PTPRG: variants seen among roughly 807,000 people sequenced by gnomAD.
PTPRG encodes receptor-type tyrosine-protein phosphatase gamma.
In PTPRG, 102 loss-of-function variants were observed where a neutral mutation model predicts 165.3. The observed-to-expected ratio is 0.62, with a 90% CI of 0.53 to 0.73. The LOEUF (loss-of-function observed/expected upper bound fraction) is 0.73. Ranked by LOEUF, PTPRG falls within the 30% of genes least tolerant of loss-of-function variation. PTPRG has a pLI of 0.00. For synonymous variants in PTPRG, 675 were observed against 669.5 expected (o/e 1.01, Z -0.13); for missense variants, 1,866 against 1,861.4 (o/e 1.00, Z -0.05).
intron 4 of PTPRG, among the ~76,000 whole-genome samples, chr3:62,031,430 G>A (rs934299339): frequency 2.6e-5 from 4 of 152,136 alleles, no homozygotes; most frequent in Non-Finnish European, 5.9e-5. Flanking sequence ...CAGAAGTCTC[G>A]GATGGCTATG....
At chr3:61,572,583 A>G (rs868606121) in intron 1 of PTPRG, among the ~76,000 whole-genome samples, 2 of 152,236 alleles carry the variant, frequency 1.3e-5, no homozygotes, top group African/African-American at 2.4e-5. Flanking sequence ...CATTCATGCC[A>G]TCAACAAGTT....
At chr3:62,263,019 C>G (rs1309056139) in intron 17 of PTPRG, 125 bp downstream of exon 17, 1 of 694,906 alleles carries the variant, frequency 1.4e-6, no homozygotes, top group Non-Finnish European at 2.5e-6. Context: ...AAGCTAACCT[C>G]TCATTAGCCC....
intron 4 of PTPRG, among the ~76,000 whole-genome samples, chr3:62,044,915 A>T (rs1279845160): frequency 1.3e-5 from 2 of 152,110 alleles, no homozygotes; most frequent in African/African-American, 4.8e-5. Context: ...AGCATTCCTT[A>T]CCCATCCTTT....
At chr3:62,197,267 G>A (rs2106823584) in intron 10 of PTPRG, among the ~76,000 whole-genome samples, 1 of 152,026 alleles carries the variant, frequency 6.6e-6, no homozygotes, top group East Asian at 1.9e-4. Context: ...GCTAGTTACT[G>A]GCACTATGTA....
chr3:62,212,205 TCA>T (rs1700374986), intron 12 of PTPRG, among the ~76,000 whole-genome samples: 1 of 152,098 alleles, frequency 6.6e-6, no homozygotes, highest in African/African-American at 2.4e-5. Flanking sequence ...CTAACTGGCC[TCA>T]CATCACCCTC....
intron 4 of PTPRG, among the ~76,000 whole-genome samples, chr3:62,039,245 GTT>G (rs11346667): frequency 1.4e-5 from 2 of 144,726 alleles, no homozygotes; most frequent in African/African-American, 5.1e-5. Context: ...AAGAGTTATG[GTT>G]TTTTTTTTTG....
intron 1 of PTPRG, among the ~76,000 whole-genome samples, chr3:61,727,472 A>G (rs986370976): frequency 6.6e-6 from 1 of 152,240 alleles, no homozygotes; most frequent in Non-Finnish European, 1.5e-5. Flanking sequence ...AGTTAAAACC[A>G]TGGATTTTAT....
At chr3:61,866,490 C>T (rs993381854) in intron 2 of PTPRG, among the ~76,000 whole-genome samples, 1 of 150,824 alleles carries the variant, frequency 6.6e-6, no homozygotes, top group Non-Finnish European at 1.5e-5. Context: ...TCTAGAATAC[C>T]TGGCTAGGAT....
chr3:62,132,411 A>G (rs1160930164), intron 5 of PTPRG, among the ~76,000 whole-genome samples, 191 bp from the exon 6 acceptor site: 2 of 152,108 alleles, frequency 1.3e-5, no homozygotes, highest in Non-Finnish European at 2.9e-5. Flanking sequence ...CTTTCTTTTG[A>G]TTTAAACTTC....
intron 4 of PTPRG, among the ~76,000 whole-genome samples, chr3:62,014,680 C>T (rs1390756574): frequency 6.6e-6 from 1 of 152,186 alleles, no homozygotes; most frequent in African/African-American, 2.4e-5. Context: ...CTTGCTATTT[C>T]TTAGCCTGCC....
chr3:62,017,451 T>C (rs1252335971), intron 4 of PTPRG, among the ~76,000 whole-genome samples: 1 of 151,950 alleles, frequency 6.6e-6, no homozygotes, highest in African/African-American at 2.4e-5. Context: ...AGTCTCGCTC[T>C]TTCGCCCAGG....
intron 5 of PTPRG, among the ~76,000 whole-genome samples, chr3:62,095,699 G>A (rs536115374): frequency 1.3e-4 from 20 of 152,282 alleles, no homozygotes; most frequent in Non-Finnish European, 2.2e-4. Flanking sequence ...GAGGTCTAGT[G>A]AGGGAAAAAG....
In PTPRG at chr3:62,273,767, A is replaced by C. The variant is rs141205324; in HGVS notation, c.3388A>C (p.Asn1130His). The change falls in exon 23 of 30, where the codon AAT (asparagine) becomes CAT (histidine). Residue 1130 changes from asparagine to histidine, a missense_variant. By Grantham distance (68) the Asn-to-His change is moderately conservative. Around this residue, in one of 3 missense-constraint regions of PTPRG, gnomAD observed 1,452 missense variants for 1,463.0 expected, o/e 0.99. Coordinates refer to ENST00000474889, the MANE Select transcript of PTPRG (RefSeq NM_002841.4). This position sits in a 1 kb window ranked among gnomAD's most constrained non-coding sequence, Gnocchi z 4.1. ...TGGAAAGGAGACTGAAGTATCTTCA[A>C]ATCAGCTGCACAGCTATGTTAACAG... ...ILGKETEVSS[N>H]QLHSYVNSIL... 199 of 1,613,824 alleles carry C rather than the reference A, an allele frequency of 1.2e-4. 1 individual carries two copies. The Middle Eastern group carries it at 4.8e-3, about 39-fold the overall frequency.
intron 4 of PTPRG, among the ~76,000 whole-genome samples, chr3:62,025,819 A>G (rs547351316): frequency 2.0e-4 from 31 of 152,362 alleles, no homozygotes; most frequent in Admixed American, 1.8e-3. Context: ...AATTTTTACT[A>G]GAGTTAGAAG....
intron 4 of PTPRG, among the ~76,000 whole-genome samples, chr3:62,023,611 C>A (rs1287219355): frequency 6.6e-6 from 1 of 152,082 alleles, no homozygotes; most frequent in African/African-American, 2.4e-5. Flanking sequence ...AAACAAAAAT[C>A]TTTTTCGTGC....
chr3:62,064,340 A>G (rs1420771738), intron 4 of PTPRG, among the ~76,000 whole-genome samples: 1 of 152,190 alleles, frequency 6.6e-6, no homozygotes, highest in East Asian at 1.9e-4. Flanking sequence ...ACTGAGTTGT[A>G]TGACATTTTT....
chr3:61,926,103 A>C (rs1005575002), intron 2 of PTPRG, among the ~76,000 whole-genome samples: 1 of 152,214 alleles, frequency 6.6e-6, no homozygotes, highest in Non-Finnish European at 1.5e-5. Flanking sequence ...AGTTTTAGAC[A>C]TGCTGATCTG....
intron 3 of PTPRG, among the ~76,000 whole-genome samples, chr3:61,999,312 G>A (rs978437125): frequency 2.0e-5 from 3 of 152,060 alleles, no homozygotes; most frequent in Non-Finnish European, 2.9e-5. Flanking sequence ...CTCCCAAAGC[G>A]CTGGGGTTAT....
rs73094190 is a variant in PTPRG at position 61,836,743 on chromosome 3, G to T, written c.190+87761G>T. Among the ~76,000 whole-genome samples the T allele has an allele frequency of 6.6e-5, 10 of 152,058 alleles. No homozygotes were observed. In the South Asian group the frequency reaches 1.7e-3, roughly 25 times the overall value. ...TTTTTTGTTGTTGTTGTTGTTTTTT[G>T]TTTTTTTATTTGTTTTTTTCAGACG... On this transcript the variant is annotated intron_variant, in intron 2 of 29. Transcript: ENST00000474889.
Sources: allele counts gnomAD v4.1 joint callset (sites outside exome capture counted in the v4.1 genomes callset), GRCh38; gene constraint gnomAD v4.1.1; regional missense constraint gnomAD v4.1.1; non-coding constraint Gnocchi (gnomAD v3.1); transcripts MANE v1.5; gene names NCBI Gene and HGNC (gene_info 2026-07-23, HGNC 2026-07-21).